Variants in INO80 observed in about 807,000 individuals in gnomAD.
The protein encoded by INO80 is chromatin-remodeling ATPase INO80.
In INO80, 20 loss-of-function variants were observed where a neutral mutation model predicts 203.4. That is an observed-to-expected ratio of 0.10 (90% CI 0.07 to 0.14). The LOEUF (loss-of-function observed/expected upper bound fraction) is 0.14, where lower values mean the gene tolerates loss of function less well. Ranked by LOEUF, INO80 falls within the 10% of genes least tolerant of loss-of-function variation. INO80 has a pLI of 1.00. For missense variants in INO80, 1,419 were observed against 1,914.4 expected (o/e 0.74, Z 4.83); for synonymous variants, 726 against 685.2 (o/e 1.06, Z -0.93).
intron 27 of INO80, among the ~76,000 whole-genome samples, chr15:41,009,661 C>A (rs2044104673): frequency 6.6e-6 from 1 of 151,976 alleles, no homozygotes; most frequent in Non-Finnish European, 1.5e-5. Flanking sequence ...TTTCTTGGAT[C>A]ACTGCAGCCT....
rs1596273215 is a variant in INO80 at position 41,030,120 on chromosome 15, T to C, written c.2908-2384A>G. 2.0e-5 allele frequency among the ~76,000 whole-genome samples: 3 copies of C among 152,240 alleles called. No individual in the cohort carries two copies. In the South Asian group the frequency reaches 6.2e-4, roughly 31 times the overall value. On this transcript the variant is annotated intron_variant, in intron 24 of 35. Coordinates refer to ENST00000648947, the MANE Select transcript of INO80 (RefSeq NM_017553.3). ...CATCTTCATTTTGAGTATTCTAAAA[T>C]TCAAAATTCAACAGAAACCTGTTTC...
At chr15:41,087,724 AC>A in intron 5 of INO80, 42 bp from the exon 6 acceptor site, 2 of 1,570,046 alleles carry the variant, frequency 1.3e-6, no homozygotes, top group Non-Finnish European at 1.7e-6. Flanking sequence ...TTTCTATAGT[AC>A]AGCTTTCAAA....
chr15:41,104,337 T>G (rs1430100643), intron 1 of INO80, among the ~76,000 whole-genome samples: 3 of 152,106 alleles, frequency 2.0e-5, no homozygotes, highest in Admixed American at 2.0e-4. Context: ...TTGAATAGCC[T>G]GTTCCACACC....
rs368471556 is a variant in INO80, at chr15:41,070,512, A to G, written c.1641T>C (p.Leu547=). 8.7e-6 allele frequency: 14 copies of G among 1,614,152 alleles called. No individual in the cohort carries two copies. In the South Asian group the frequency reaches 1.2e-4, roughly 14 times the overall value. ...GGGCAATGCTCTGTACTGTTTTACC[A>G]AGGCCCATTTCATCAGCAAGAATGC... is the stretch of plus-strand genomic sequence containing the variant. ...INGILADEMG[L]GKTVQSIALL... is the part of the protein sequence containing the mutation. Residue 547 remains leucine (L), a synonymous_variant, in exon 13 of 36, where the codon CTT becomes CTC. Coordinates refer to ENST00000648947, the MANE Select transcript of INO80 (RefSeq NM_017553.3).
At chr15:41,054,895 C>T (rs1464095245) in intron 18 of INO80, among the ~76,000 whole-genome samples, 1 of 152,134 alleles carries the variant, frequency 6.6e-6, no homozygotes, top group Non-Finnish European at 1.5e-5. Context: ...ACCTTAGCCT[C>T]CCAAAGTGCT....
chr15:41,114,285 A>T (rs866943670), intron 1 of INO80, among the ~76,000 whole-genome samples: 1 of 151,770 alleles, frequency 6.6e-6, no homozygotes, highest in South Asian at 2.1e-4. Context: ...AAAAAAAAAA[A>T]ACATTCATTT....
At position 41,060,067 on chromosome 15, in the gene INO80, G is replaced by T. The variant is rs992186488; in HGVS notation, c.1783-141C>A. 5.0e-6 allele frequency: 3 copies of T among 597,850 alleles called. No homozygotes were observed. The Admixed American group carries it at 9.9e-5, about 20-fold the overall frequency. The allele number at this position is 597,850 out of a possible 1,614,324, so 37.0% of individuals were successfully genotyped here. A position where few individuals can be genotyped will look rare whatever the true frequency, so the allele number is the denominator to read the frequency against. ...CTCTCCTGCCAATGGTGGAATAAAT[G>T]GTTTAACCAACCCTGTTGTCCAAAT... On this transcript the variant is annotated intron_variant, in intron 14 of 35. Coordinates refer to ENST00000648947, the MANE Select transcript of INO80 (RefSeq NM_017553.3).
chr15:41,089,105 G>A (rs973370148), intron 5 of INO80, among the ~76,000 whole-genome samples: 1 of 152,186 alleles, frequency 6.6e-6, no homozygotes, highest in Non-Finnish European at 1.5e-5. Flanking sequence ...CAGGAGAACT[G>A]CCTGAACCCA....
intron 27 of INO80, among the ~76,000 whole-genome samples, chr15:41,007,334 C>T (rs2044061508): frequency 6.6e-6 from 1 of 151,900 alleles, no homozygotes; most frequent in African/African-American, 2.4e-5. Context: ...AGGCAACTGC[C>T]ACCACACCTG....
chr15:40,991,525 A>T (rs2043816619), intron 29 of INO80, among the ~76,000 whole-genome samples: 1 of 152,186 alleles, frequency 6.6e-6, no homozygotes, highest in Non-Finnish European at 1.5e-5. Context: ...AGAAAAAAAC[A>T]AGTAACAATT....
intron 24 of INO80, among the ~76,000 whole-genome samples, chr15:41,034,747 C>T (rs898981223): frequency 3.2e-4 from 49 of 152,194 alleles, no homozygotes; most frequent in Admixed American, 5.9e-4. Context: ...CATGTCTCTT[C>T]TCAGGTTTGT....
At chr15:41,067,200 C>T (rs2045236398) in intron 14 of INO80, among the ~76,000 whole-genome samples, 1 of 152,010 alleles carries the variant, frequency 6.6e-6, no homozygotes, top group Non-Finnish European at 1.5e-5. Context: ...CCTCAGCCTC[C>T]CGAGTAGCTG....
chr15:41,009,208 G>GT (rs2044096379), intron 27 of INO80, among the ~76,000 whole-genome samples: 1 of 145,988 alleles, frequency 6.8e-6, no homozygotes, highest in Non-Finnish European at 1.5e-5. Context: ...TGCGGTTTTT[G>GT]TTTTTAAGTT....
At chr15:41,032,073 G>C (rs4923893) in intron 24 of INO80, among the ~76,000 whole-genome samples, 1,871 of 51,388 alleles carry the variant, frequency 0.036, 190 homozygotes, top group East Asian at 0.061. Flanking sequence ...GACAGCACAG[G>C]ACAGCACAGC....
chr15:40,988,675 T>A (rs2043774606), intron 29 of INO80, among the ~76,000 whole-genome samples: 1 of 152,014 alleles, frequency 6.6e-6, no homozygotes, highest in South Asian at 2.1e-4. Flanking sequence ...AGGTCAGGAG[T>A]TAGAGACCAG....
At chr15:41,023,373 C>T (rs1301318042) in intron 25 of INO80, 1 of 392,584 alleles carries the variant, frequency 2.5e-6, no homozygotes, top group Non-Finnish European at 5.0e-6. Flanking sequence ...AGCTATACTT[C>T]TATAAAAAGT....
At chr15:41,073,727 C>A (rs544308369) in intron 10 of INO80, among the ~76,000 whole-genome samples, 1 of 152,044 alleles carries the variant, frequency 6.6e-6, no homozygotes, top group African/African-American at 2.4e-5. Flanking sequence ...AAAAACATCA[C>A]GGCACTGCCT....
intron 27 of INO80, among the ~76,000 whole-genome samples, chr15:41,009,043 G>A (rs1319656483): frequency 6.6e-6 from 1 of 152,134 alleles, no homozygotes; most frequent in Non-Finnish European, 1.5e-5. Flanking sequence ...TGTTGGTCGG[G>A]CTGATCTCAA....
At chr15:40,993,511 A>T (rs1241291259) in intron 29 of INO80, among the ~76,000 whole-genome samples, 1 of 152,136 alleles carries the variant, frequency 6.6e-6, no homozygotes, top group Non-Finnish European at 1.5e-5. Flanking sequence ...TAATCCCAGC[A>T]CTTTGGGAGG....
Sources: allele counts gnomAD v4.1 joint callset (sites outside exome capture counted in the v4.1 genomes callset), GRCh38; gene constraint gnomAD v4.1.1; transcripts MANE v1.5; gene names NCBI Gene and HGNC (gene_info 2026-07-23, HGNC 2026-07-21).